Variants in DBH observed in about 807,000 individuals in gnomAD.
DBH encodes dopamine beta-hydroxylase.
Under a neutral mutation model 64.0 loss-of-function variants are expected in DBH, and 49 were observed. That is an observed-to-expected ratio of 0.77 (90% confidence interval 0.61 to 0.97). The LOEUF (loss-of-function observed/expected upper bound fraction) is 0.97. DBH is among the 50% of genes least tolerant of loss of function. The pLI is 0.00. For missense variants in DBH, 828 were observed against 826.6 expected (o/e 1.00, Z -0.02); for synonymous variants, 343 against 347.1 (o/e 0.99, Z 0.13).
chr9:133,658,389 G>C lies in DBH; in HGVS notation c.1796G>C (p.Ser599Thr). ...GAGCCCACCCCACAGTGCCCCACCA[G>C]CCAGGGCCGAAGCCCTGCTGGCCCC... is the stretch of plus-strand genomic sequence containing the variant. ...LEEPTPQCPT[S>T]QGRSPAGPTV... The change falls in exon 12 of 12, where the codon AGC becomes ACC. Residue 599 changes from serine to threonine, a missense_variant. By Grantham distance (58) the Ser-to-Thr change is moderately conservative. Transcript: ENST00000393056. 6.2e-7 allele frequency: 1 copy of C among 1,613,834 alleles called. No individual in the cohort carries two copies. Among genetic ancestry groups the C allele is most frequent in the African/African-American group, 1.3e-5 (1 of 75,012 alleles).
intron 5 of DBH, among the ~76,000 whole-genome samples, chr9:133,646,419 CAG>C (rs1201620514): frequency 6.6e-6 from 1 of 152,214 alleles, no homozygotes; most frequent in Non-Finnish European, 1.5e-5. Flanking sequence ...AGCCGGTACT[CAG>C]AGCCTGGCTG....
intron 1 of DBH, among the ~76,000 whole-genome samples, chr9:133,639,071 G>C (rs1002526577): frequency 6.6e-6 from 1 of 152,012 alleles, no homozygotes; most frequent in Non-Finnish European, 1.5e-5. Context: ...TAAGGTGAGG[G>C]GAACAATGCC....
At chr9:133,647,330 C>T (rs1041098425) in intron 5 of DBH, among the ~76,000 whole-genome samples, 12 of 152,330 alleles carry the variant, frequency 7.9e-5, no homozygotes, top group South Asian at 2.1e-4. Flanking sequence ...TCTGTGCCAT[C>T]GGCAGATGGG....
Position 133,643,517 on chromosome 9 carries a change from C to T in DBH, c.849C>T (p.Cys283=), listed in dbSNP as rs78200745. ...GCGTCCCCCACTTCAGCGGGCCCTGCGACTCCAAGATGAAACCCGACCGCC... is the reference window on the plus strand; with the variant it reads ...GCGTCCCCCACTTCAGCGGGCCCTGTGACTCCAAGATGAAACCCGACCGCC... ...MDSVPHFSGP[C]DSKMKPDRLN... is the part of the protein sequence containing the mutation. Residue 283 remains cysteine (C), a synonymous_variant, in exon 4 of 12, where the codon TGC becomes TGT. Transcript: ENST00000393056. The surrounding 1 kb of genome is among the most constrained non-coding windows in gnomAD (Gnocchi z 5.3). 5.0e-4 allele frequency: 802 copies of T among 1,613,630 alleles called. No individual in the cohort carries two copies. The highest frequency in any genetic ancestry group is 6.6e-4 in the Middle Eastern group (4 of 6,080).
chr9:133,638,959 G>T (rs1009248350), intron 1 of DBH, among the ~76,000 whole-genome samples: 1 of 152,104 alleles, frequency 6.6e-6, no homozygotes, highest in Admixed American at 6.5e-5. Flanking sequence ...GACGGGGAGG[G>T]CAGAGGTCAC....
intron 6 of DBH, among the ~76,000 whole-genome samples, chr9:133,650,526 TTC>T (rs1832235900): frequency 6.8e-6 from 1 of 147,868 alleles, no homozygotes; most frequent in African/African-American, 2.5e-5. Flanking sequence ...CCTTCCTTCC[TTC>T]TCTTTTCTTT....
chr9:133,639,443 G>A (rs986501139), intron 1 of DBH, among the ~76,000 whole-genome samples: 1 of 152,100 alleles, frequency 6.6e-6, no homozygotes, highest in Non-Finnish European at 1.5e-5. Flanking sequence ...GCATGAATGT[G>A]GGCAGCATTG....
rs1177792583 is a variant in DBH at position 133,652,279 on chromosome 9, C to G, written c.1369C>G (p.His457Asp). ...IRMLKKVVSV[H>D]PGDVLITSCT... ...CATGTTGAAGAAGGTCGTGTCGGTC[C>G]ATCCGGTGAGTGCCCAGCGGGAAGG... Residue 457 changes from histidine (H) to aspartate (D), a missense_variant, in exon 8 of 12, where the codon CAT becomes GAT. Transcript: ENST00000393056. 1.2e-6 allele frequency: 2 copies of G among 1,613,502 alleles called. No homozygotes were observed. The highest frequency in any genetic ancestry group is 1.7e-6 in the Non-Finnish European group (2 of 1,180,034).
chr9:133,657,153 G>A lies in DBH; in HGVS notation c.1646G>A (p.Arg549His), dbSNP rs150202872. ...FTSVPWNSFN[R>H]DVLKALYSFA... ...TCTGTTCCCTGGAACTCCTTCAACC[G>A]CGACGTACTGAAGGCCCTGTACAGC... Residue 549 changes from arginine (R) to histidine (H), a missense_variant, in exon 11 of 12, where the codon CGC (arginine) becomes CAC (histidine). Arg to His is a conservative substitution (Grantham distance 29, BLOSUM62 0). Coordinates refer to ENST00000393056, the MANE Select transcript of DBH (RefSeq NM_000787.4). 4.9e-5 allele frequency: 79 copies of A among 1,614,072 alleles called. No homozygotes were observed. In the African/African-American group the frequency reaches 6.9e-4, roughly 14 times the overall value.
rs1832053124 is a variant in DBH, at chr9:133,636,442, C to G, written c.71C>G (p.Thr24Arg). ...SMREAAFMYS[T>R]AVAIFLVILV... ...CGGGAGGCAGCCTTCATGTACAGCACAGCAGTGGCCATCTTCCTGGTCATC... is the reference window on the plus strand; with the variant it reads ...CGGGAGGCAGCCTTCATGTACAGCAGAGCAGTGGCCATCTTCCTGGTCATC... The change falls in exon 1 of 12, where the codon ACA becomes AGA. Residue 24 changes from threonine (T) to arginine (R), a missense_variant. Thr to Arg is a moderately conservative substitution (Grantham distance 71). Coordinates refer to ENST00000393056, the MANE Select transcript of DBH (RefSeq NM_000787.4). 3 of 1,612,768 alleles carry G rather than the reference C, an allele frequency of 1.9e-6. No homozygotes were observed.
intron 6 of DBH, among the ~76,000 whole-genome samples, chr9:133,651,238 A>AC (rs1425957650): frequency 3.3e-5 from 5 of 152,354 alleles, no homozygotes; most frequent in Non-Finnish European, 1.5e-5. Flanking sequence ...CCTGGACAGC[A>AC]AGCTCTTCAG....
At chr9:133,657,433 G>GAGT in intron 11 of DBH, 1 of 467,544 alleles carries the variant, frequency 2.1e-6, no homozygotes, top group East Asian at 4.1e-5. Flanking sequence ...AGGAGAGAGA[G>GAGT]GAGAGAGAGG....
At position 133,636,375 on chromosome 9, in the gene DBH, C is replaced by G. The variant is rs1438146018; in HGVS notation, c.4C>G (p.Pro2Ala). The G allele has an allele frequency of 6.2e-7, 1 of 1,608,358 alleles. No individual in the cohort carries two copies. The highest frequency in any genetic ancestry group is 1.7e-5 in the Admixed American group (1 of 60,024). M[P>A]ALSRWASLPG... ...GACCAGAGAGCTCACCCCAGCCATG[C>G]CCGCCCTCAGTCGCTGGGCCAGCCT... Residue 2 changes from proline (P) to alanine (A), a missense_variant, in exon 1 of 12, where the codon CCC (proline) becomes GCC (alanine). Pro to Ala is a conservative substitution (Grantham distance 27). Coordinates refer to ENST00000393056, the MANE Select transcript of DBH (RefSeq NM_000787.4).
At chr9:133,651,393 C>T (rs969035331) in intron 6 of DBH, among the ~76,000 whole-genome samples, 2 of 152,326 alleles carry the variant, frequency 1.3e-5, no homozygotes, top group East Asian at 1.9e-4. Flanking sequence ...GAAAGAAAGT[C>T]GCTCCTGAGT....
At position 133,643,713 on chromosome 9, in the gene DBH, G is replaced by GC. The variant is rs1588348491; in HGVS notation, c.921+126dup. On this transcript the variant is annotated intron_variant, in intron 4 of 11. Coordinates refer to ENST00000393056, the MANE Select transcript of DBH (RefSeq NM_000787.4). The surrounding 1 kb of genome is among the most constrained non-coding windows in gnomAD (Gnocchi z 5.3). ...AGGGGCTCCCAAGGGGGCTCACGAG[G>GC]CCACCAGAAGGGCCAGGCCTGAGGT... 4 of 1,112,676 alleles carry GC rather than the reference G, an allele frequency of 3.6e-6. No homozygotes were observed. The East Asian group carries it at 1.0e-4, about 29-fold the overall frequency. The allele number at this position is 1,112,676 out of a possible 1,614,324, so 68.9% of individuals were successfully genotyped here. A position where few individuals can be genotyped will look rare whatever the true frequency, so the allele number is the denominator to read the frequency against.
At chr9:133,639,387 C>T (rs59179760) in intron 1 of DBH, among the ~76,000 whole-genome samples, 42,870 of 152,036 alleles carry the variant, frequency 0.28, 6,373 homozygotes, top group Non-Finnish European at 0.34. Context: ...ATGTCCCACC[C>T]TGTTCCCAAC....
At chr9:133,653,028 T>C in intron 9 of DBH, 29 bp downstream of exon 9, 1 of 1,569,866 alleles carries the variant, frequency 6.4e-7, no homozygotes, top group Non-Finnish European at 8.8e-7. Context: ...CCCCTGCACC[T>C]GCCCAGGGCG....
intron 11 of DBH, 131 bp from the exon 12 acceptor site, chr9:133,658,185 A>G (rs919000720): frequency 2.1e-5 from 26 of 1,242,062 alleles, no homozygotes; most frequent in Non-Finnish European, 3.0e-5. Context: ...TTGGGGGAGC[A>G]GAGTGAGTTC....
intron 4 of DBH, 116 bp from the exon 5 acceptor site, chr9:133,644,102 G>C (rs1404842420): frequency 1.2e-6 from 1 of 800,416 alleles, no homozygotes; most frequent in Non-Finnish European, 2.2e-6. Flanking sequence ...TAATCCTGCT[G>C]CGCCCCCTCC....
Sources: gnomAD v4.1 joint callset for allele counts (sites outside exome capture counted in the v4.1 genomes callset) on GRCh38, gnomAD v4.1.1 for gene constraint, Gnocchi (gnomAD v3.1) non-coding constraint, MANE v1.5 for transcripts, NCBI Gene and HGNC (gene_info 2026-07-23, HGNC 2026-07-21) for gene names.